The following ADCY2 variants were observed in gnomAD, a reference collection of about 807,000 sequenced individuals.
The protein encoded by ADCY2 is adenylate cyclase type 2.
In ADCY2, 31 loss-of-function variants were observed where a neutral mutation model predicts 125.2. The ratio of observed to expected loss-of-function variants is 0.25; its 90% CI spans 0.19 to 0.33. ADCY2 has a LOEUF of 0.33. ADCY2 is among the 10% of genes least tolerant of loss of function. The pLI, the probability that ADCY2 is intolerant of heterozygous loss-of-function variation, is 1.00. For missense variants in ADCY2, 904 were observed against 1,418.2 expected, an observed-to-expected ratio of 0.64 and a Z score of 5.82; for synonymous variants, 512 against 548.4, an observed-to-expected ratio of 0.93 and a Z score of 0.93.
intron 2 of ADCY2, among the ~76,000 whole-genome samples, chr5:7,429,000 T>C (rs556939760): frequency 8.0e-6 from 1 of 124,922 alleles, no homozygotes; most frequent in Admixed American, 8.3e-5. Flanking sequence ...CCAAGAGGTA[T>C]GAGAAGAGTT....
At chr5:7,511,204 G>A (rs1225084788) in intron 2 of ADCY2, among the ~76,000 whole-genome samples, 1 of 152,078 alleles carries the variant, frequency 6.6e-6, no homozygotes, top group Admixed American at 6.6e-5. Context: ...TATGGGGGAA[G>A]ACAGAAGATA....
At chr5:7,434,057 A>G (rs1740707627) in intron 2 of ADCY2, among the ~76,000 whole-genome samples, 1 of 152,214 alleles carries the variant, frequency 6.6e-6, no homozygotes, top group Admixed American at 6.5e-5. Context: ...TGACGTCAAT[A>G]CAGGGAAGAA....
At chr5:7,517,196 G>C (rs1314320488) in intron 2 of ADCY2, among the ~76,000 whole-genome samples, 1 of 152,162 alleles carries the variant, frequency 6.6e-6, no homozygotes, top group Non-Finnish European at 1.5e-5. Context: ...AATGAGTGCT[G>C]TTGCCTCAGC....
rs562399528 is a variant in ADCY2 at position 7,564,664 on chromosome 5, A to G, written c.570+43765A>G. On this transcript the variant is annotated intron_variant, in intron 3 of 24. Coordinates refer to ENST00000338316, the MANE Select transcript of ADCY2 (RefSeq NM_020546.3). ...TTATTGTTTCTCTAGATTATGAACT[A>G]GTTTTTCCTGCACCTGAAATGCTCA... Among the ~76,000 whole-genome samples the G allele has an allele frequency of 2.6e-5, 4 of 152,274 alleles. No homozygotes were observed. In the East Asian group the frequency reaches 7.7e-4, roughly 29 times the overall value.
intron 14 of ADCY2, among the ~76,000 whole-genome samples, chr5:7,738,490 T>C (rs1428969266): frequency 6.6e-6 from 1 of 151,844 alleles, no homozygotes; most frequent in East Asian, 1.9e-4. Context: ...TAGCAACAAA[T>C]GTGACAGACC....
At chr5:7,769,495 T>A (rs1048208419) in intron 17 of ADCY2, among the ~76,000 whole-genome samples, 1 of 152,204 alleles carries the variant, frequency 6.6e-6, no homozygotes, top group South Asian at 2.1e-4. Context: ...GAAACACCTA[T>A]ACAAATAATG....
intron 2 of ADCY2, among the ~76,000 whole-genome samples, chr5:7,486,476 C>T (rs1216751987): frequency 6.6e-6 from 1 of 151,630 alleles, no homozygotes; most frequent in Non-Finnish European, 1.5e-5. Context: ...GTGTTAGAAA[C>T]TGAGAGTTTC....
intron 2 of ADCY2, among the ~76,000 whole-genome samples, chr5:7,464,976 G>GC (rs1466604151): frequency 1.9e-4 from 29 of 152,276 alleles, no homozygotes; most frequent in Middle Eastern, 3.4e-3. Context: ...AAGGCAAAAG[G>GC]CATGTCTTAC....
chr5:7,590,989 G>T (rs975609934), intron 3 of ADCY2, among the ~76,000 whole-genome samples: 1 of 152,042 alleles, frequency 6.6e-6, no homozygotes, highest in African/African-American at 2.4e-5. Context: ...TATTTTAAAG[G>T]TAATTCAGTT....
chr5:7,558,349 G>T (rs972755022), intron 3 of ADCY2, among the ~76,000 whole-genome samples: 2 of 151,996 alleles, frequency 1.3e-5, no homozygotes, highest in African/African-American at 4.8e-5. Context: ...TGCCTGGCCT[G>T]TTTGTTTTTA....
At chr5:7,491,698 A>G (rs193016319) in intron 2 of ADCY2, among the ~76,000 whole-genome samples, 6 of 152,296 alleles carry the variant, frequency 3.9e-5, no homozygotes, top group African/African-American at 1.2e-4. Context: ...TATGTAACAT[A>G]TAAGTTATAG....
chr5:7,452,752 GC>G (rs1741521474), intron 2 of ADCY2, among the ~76,000 whole-genome samples: 1 of 152,118 alleles, frequency 6.6e-6, no homozygotes, highest in African/African-American at 2.4e-5. Context: ...CCACATCCAT[GC>G]TAACATCAAT....
At chr5:7,645,255 A>G (rs988809960) in intron 4 of ADCY2, among the ~76,000 whole-genome samples, 1 of 152,176 alleles carries the variant, frequency 6.6e-6, no homozygotes, top group South Asian at 2.1e-4. Flanking sequence ...AAGAAAGTCC[A>G]TGGGAAGTAG....
intron 13 of ADCY2, among the ~76,000 whole-genome samples, chr5:7,726,024 C>T (rs2126398438): frequency 6.6e-6 from 1 of 152,282 alleles, no homozygotes; most frequent in African/African-American, 2.4e-5. Flanking sequence ...CAAGAGGTCA[C>T]AAGAGCTATC....
intron 1 of ADCY2, among the ~76,000 whole-genome samples, chr5:7,411,814 G>T (rs1018796811): frequency 1.3e-5 from 2 of 152,026 alleles, no homozygotes; most frequent in African/African-American, 2.4e-5. Flanking sequence ...GGTGGCTCAC[G>T]CCTGTAATCC....
intron 2 of ADCY2, among the ~76,000 whole-genome samples, chr5:7,433,594 T>C (rs546548492): frequency 2.0e-5 from 3 of 152,220 alleles, no homozygotes; most frequent in Non-Finnish European, 4.4e-5. Context: ...CTCCAAAAAT[T>C]GTGGAACAGT....
rs114820507 is a variant in ADCY2 at position 7,822,146 on chromosome 5, A to G, written c.3123+1457A>G. ...AAGATAAAGAGGTGCATGTCATTACATTTTAAATCTACCATTATACTCTTG... is the reference window on the plus strand; with the variant it reads ...AAGATAAAGAGGTGCATGTCATTACGTTTTAAATCTACCATTATACTCTTG... On this transcript the variant is annotated intron_variant, in intron 24 of 24. Transcript: ENST00000338316. Among the ~76,000 whole-genome samples, 864 of 152,342 alleles carry G rather than the reference A, an allele frequency of 5.7e-3. 11 individuals are homozygous for G. The highest frequency in any genetic ancestry group is 0.02 in the African/African-American group (831 of 41,572).
At chr5:7,608,924 AT>A (rs1039677117) in intron 3 of ADCY2, among the ~76,000 whole-genome samples, 1 of 152,116 alleles carries the variant, frequency 6.6e-6, no homozygotes. Flanking sequence ...AGACAGTGCC[AT>A]TTTTCCCCCC....
chr5:7,602,149 C>T (rs1347975941), intron 3 of ADCY2, among the ~76,000 whole-genome samples: 2 of 152,184 alleles, frequency 1.3e-5, no homozygotes, highest in Non-Finnish European at 2.9e-5. Flanking sequence ...ATCTCAAAAT[C>T]ATAAACTTAG....
Sources: gnomAD v4.1 joint callset for allele counts (sites outside exome capture counted in the v4.1 genomes callset) on GRCh38, gnomAD v4.1.1 for gene constraint, MANE v1.5 for transcripts, NCBI Gene and HGNC (gene_info 2026-07-23, HGNC 2026-07-21) for gene names.